The following PPARGC1A variants were observed in gnomAD, a reference collection of about 807,000 sequenced individuals.
PPARGC1A encodes PPARG coactivator 1 alpha.
In PPARGC1A, 25 loss-of-function variants were observed where a neutral mutation model predicts 88.7. The ratio of observed to expected loss-of-function variants is 0.28; its 90% confidence interval spans 0.21 to 0.39. The LOEUF is 0.39. Ranked by LOEUF, PPARGC1A falls within the 10% of genes least tolerant of loss-of-function variation. The pLI is 1.00. For missense variants in PPARGC1A, 880 were observed against 968.7 expected, an observed-to-expected ratio of 0.91 and a Z score of 1.22; for synonymous variants, 363 against 355.6, an observed-to-expected ratio of 1.02 and a Z score of -0.24.
At chr4:23,950,146 A>G in the PPARGC1A span, among the ~76,000 whole-genome samples, 1 of 152,138 alleles carries the variant, frequency 6.6e-6, no homozygotes, top group African/African-American at 2.4e-5. Flanking sequence ...GTAGATTTCA[A>G]ATCCACTCTC....
chr4:24,089,252 G>T, the PPARGC1A span, among the ~76,000 whole-genome samples: 27 of 152,298 alleles, frequency 1.8e-4, no homozygotes, highest in African/African-American at 6.3e-4. Context: ...GAGGCCATCA[G>T]ATTTAGTTTC....
the PPARGC1A span, among the ~76,000 whole-genome samples, chr4:24,432,065 T>C: frequency 1.3e-5 from 2 of 152,036 alleles, no homozygotes; most frequent in Non-Finnish European, 2.9e-5. Context: ...GGAAGAAATG[T>C]CAAGAGAAGG....
chr4:24,026,697 C>A, the PPARGC1A span, among the ~76,000 whole-genome samples: 1 of 152,156 alleles, frequency 6.6e-6, no homozygotes, highest in Non-Finnish European at 1.5e-5. Flanking sequence ...CATCCATCCA[C>A]CACTCTGAAC....
At chr4:24,098,746 CAGA>C in the PPARGC1A span, among the ~76,000 whole-genome samples, 436 of 152,248 alleles carry the variant, frequency 2.9e-3, 4 homozygotes, top group African/African-American at 0.01. Context: ...TGACTGTGAT[CAGA>C]AGGATTTAGT....
the PPARGC1A span, among the ~76,000 whole-genome samples, chr4:24,154,022 T>G: frequency 2.0e-5 from 3 of 152,152 alleles, no homozygotes; most frequent in African/African-American, 7.2e-5. Flanking sequence ...TAAAGGACCA[T>G]GGGCAAAGAA....
chr4:24,386,157 T>A, the PPARGC1A span, among the ~76,000 whole-genome samples: 1 of 152,104 alleles, frequency 6.6e-6, no homozygotes, highest in East Asian at 1.9e-4. Flanking sequence ...ATTATCTCAA[T>A]AGATGCAGAA....
the PPARGC1A span, among the ~76,000 whole-genome samples, chr4:24,312,512 T>C: frequency 6.6e-6 from 1 of 151,868 alleles, no homozygotes; most frequent in South Asian, 2.1e-4. Flanking sequence ...ACAGAGAAAC[T>C]CTTTAATTTT....
chr4:23,978,940 C>T, the PPARGC1A span, among the ~76,000 whole-genome samples: 1 of 152,148 alleles, frequency 6.6e-6, no homozygotes, highest in African/African-American at 2.4e-5. Context: ...ACATGGCTCA[C>T]TGCTTACCAT....
chr4:23,878,662 AACACAC>A (rs145210475), intron 2 of PPARGC1A, among the ~76,000 whole-genome samples: 1 of 151,216 alleles, frequency 6.6e-6, no homozygotes, highest in Non-Finnish European at 1.5e-5. Context: ...TGTGTAGATG[AACACAC>A]ACACACACAA....
chr4:23,832,339 C>T (rs1474064994), intron 2 of PPARGC1A, among the ~76,000 whole-genome samples: 1 of 152,156 alleles, frequency 6.6e-6, no homozygotes, highest in African/African-American at 2.4e-5. Context: ...AGTCATAAAT[C>T]TCGAACTGCC....
At chr4:24,101,123 G>A in the PPARGC1A span, among the ~76,000 whole-genome samples, 2 of 152,204 alleles carry the variant, frequency 1.3e-5, no homozygotes, top group Admixed American at 1.3e-4. Context: ...GGTGGGGCCT[G>A]GTGGGAGGTG....
the PPARGC1A span, among the ~76,000 whole-genome samples, chr4:24,455,029 G>A: frequency 3.3e-5 from 5 of 152,148 alleles, no homozygotes; most frequent in African/African-American, 4.8e-5. Context: ...TGAAATACAC[G>A]AGAGAAGTCA....
chr4:23,811,944 G>T (rs1720990773), intron 10 of PPARGC1A, among the ~76,000 whole-genome samples: 1 of 95,108 alleles, frequency 1.1e-5, no homozygotes, highest in Non-Finnish European at 1.9e-5. Context: ...TTGAGACAGA[G>T]TCTCACTCTG....
At chr4:24,336,413 C>T in the PPARGC1A span, among the ~76,000 whole-genome samples, 8 of 152,144 alleles carry the variant, frequency 5.3e-5, no homozygotes, top group South Asian at 1.7e-3. Context: ...TTTTTCACGG[C>T]TTTTTCTTAC....
the PPARGC1A span, among the ~76,000 whole-genome samples, chr4:24,299,483 A>C: frequency 6.6e-6 from 1 of 152,152 alleles, no homozygotes; most frequent in Non-Finnish European, 1.5e-5. Flanking sequence ...TGGAGCAGTA[A>C]TTTGCTAAAT....
the PPARGC1A span, among the ~76,000 whole-genome samples, chr4:23,913,409 A>T: frequency 6.6e-6 from 1 of 151,416 alleles, no homozygotes; most frequent in African/African-American, 2.4e-5. Context: ...TAAAAACTTT[A>T]ACTCTTAAAT....
chr4:24,063,784 G>C, the PPARGC1A span, among the ~76,000 whole-genome samples: 2 of 152,144 alleles, frequency 1.3e-5, no homozygotes, highest in Non-Finnish European at 2.9e-5. Flanking sequence ...CAAGTCTGCT[G>C]CTATTCCAGT....
chr4:23,813,276 A>G (rs1447165942), intron 8 of PPARGC1A, 151 bp from the exon 9 acceptor site: 1 of 698,210 alleles, frequency 1.4e-6, no homozygotes, highest in East Asian at 2.6e-5. Flanking sequence ...ACAGTTTGTG[A>G]TCATCTAGTC....
the PPARGC1A span, among the ~76,000 whole-genome samples, chr4:23,911,663 T>C: frequency 6.6e-6 from 1 of 152,198 alleles, no homozygotes; most frequent in East Asian, 1.9e-4. Flanking sequence ...GGACAAGAAA[T>C]TGACAGTGTC....
Sources: allele counts gnomAD v4.1 joint callset (sites outside exome capture counted in the v4.1 genomes callset), GRCh38; gene constraint gnomAD v4.1.1; transcripts MANE v1.5; gene names NCBI Gene and HGNC (gene_info 2026-07-23, HGNC 2026-07-21).